Variants in SORCS2 observed in about 807,000 individuals in gnomAD.
SORCS2 encodes sortilin related VPS10 domain containing receptor 2.
Under a neutral mutation model 141.6 loss-of-function variants are expected in SORCS2, and 100 were observed. The observed-to-expected ratio is 0.71, with a 90% CI of 0.60 to 0.83. SORCS2 has a LOEUF of 0.83. SORCS2 is among the 40% of genes least tolerant of loss of function. The pLI is 0.00. For missense variants in SORCS2, 1,646 were observed against 1,560.2 expected (o/e 1.05, Z -0.93); for synonymous variants, 789 against 676.9 (o/e 1.17, Z -2.57).
At chr4:7,539,678 C>A (rs1255216792) in intron 3 of SORCS2, among the ~76,000 whole-genome samples, 2 of 152,114 alleles carry the variant, frequency 1.3e-5, no homozygotes, top group African/African-American at 4.8e-5. Flanking sequence ...TGCAAGGCCC[C>A]GACCCCCGTT....
intron 4 of SORCS2, among the ~76,000 whole-genome samples, chr4:7,646,074 C>T (rs13104846): frequency 0.21 from 32,257 of 152,296 alleles, 4,028 homozygotes; most frequent in Middle Eastern, 0.32. Flanking sequence ...CCGGCAGCCA[C>T]GGATTCCGGG....
rs1722550887 is a variant in SORCS2 at position 7,667,114 on chromosome 4, C to G, written c.1072-10C>G. 6.2e-7 allele frequency: 1 copy of G among 1,609,140 alleles called. No individual in the cohort carries two copies. Among genetic ancestry groups the G allele is most frequent in the South Asian group, 1.1e-5 (1 of 90,866 alleles). On this transcript the variant is annotated splice_polypyrimidine_tract_variant and intron_variant, in intron 7 of 26. Transcript: ENST00000507866. Reference sequence around the variant, plus strand: ...AAGCCTCTCAAAAATGTGTTTCTTCCCCCGGTTAGGCAACATCAGCAAACC... The same window carrying G: ...AAGCCTCTCAAAAATGTGTTTCTTCGCCCGGTTAGGCAACATCAGCAAACC...
At chr4:7,342,594 C>T (rs990668487) in intron 1 of SORCS2, among the ~76,000 whole-genome samples, 2 of 152,094 alleles carry the variant, frequency 1.3e-5, no homozygotes, top group Admixed American at 1.3e-4. Context: ...GGAGGCGAAC[C>T]TTGCAGGGAC....
intron 3 of SORCS2, among the ~76,000 whole-genome samples, chr4:7,620,173 A>C (rs1719069770): frequency 6.6e-6 from 1 of 152,064 alleles, no homozygotes; most frequent in Non-Finnish European, 1.5e-5. Context: ...GAGCAGAATG[A>C]TACGGGATTC....
chr4:7,592,039 G>A (rs1403308073), intron 3 of SORCS2, among the ~76,000 whole-genome samples: 4 of 152,074 alleles, frequency 2.6e-5, no homozygotes, highest in Admixed American at 1.3e-4. Flanking sequence ...CTAGGAAAGC[G>A]CCGAGGCTTT....
chr4:7,494,023 A>C (rs1731462305), intron 2 of SORCS2, among the ~76,000 whole-genome samples: 1 of 137,292 alleles, frequency 7.3e-6, no homozygotes, highest in South Asian at 2.2e-4. Context: ...ACACATTCAC[A>C]CACACACACA....
At chr4:7,450,980 G>C (rs996917871) in intron 2 of SORCS2, among the ~76,000 whole-genome samples, 8 of 151,834 alleles carry the variant, frequency 5.3e-5, no homozygotes, top group South Asian at 4.2e-4. Flanking sequence ...GAATGCATGA[G>C]TGACTGAGTG....
chr4:7,331,694 G>A (rs903967534), intron 1 of SORCS2, among the ~76,000 whole-genome samples: 9 of 152,200 alleles, frequency 5.9e-5, no homozygotes, highest in African/African-American at 1.9e-4. Context: ...TCAGTGGGTC[G>A]GGGTGAAGCA....
At chr4:7,461,217 G>A (rs751553757) in intron 2 of SORCS2, among the ~76,000 whole-genome samples, 9 of 152,092 alleles carry the variant, frequency 5.9e-5, no homozygotes, top group South Asian at 4.2e-4. Context: ...TACTGCCTTC[G>A]CTCTTTCCCT....
chr4:7,642,630 A>G, intron 4 of SORCS2, among the ~76,000 whole-genome samples: 1 of 152,236 alleles, frequency 6.6e-6, no homozygotes, highest in Admixed American at 6.5e-5. Flanking sequence ...AATCTGGTGT[A>G]TTAGGCAGGT....
chr4:7,729,754 A>G (rs753955747), intron 23 of SORCS2, 42 bp downstream of exon 23: 2 of 1,585,486 alleles, frequency 1.3e-6, no homozygotes, highest in East Asian at 2.3e-5. Flanking sequence ...CTCCCTGCAC[A>G]TCCCAGGGCT....
intron 1 of SORCS2, among the ~76,000 whole-genome samples, chr4:7,224,710 A>G (rs1728900056): frequency 6.6e-6 from 1 of 152,112 alleles, no homozygotes; most frequent in Non-Finnish European, 1.5e-5. Context: ...TTGGGTGGGG[A>G]CAGAGTCAAA....
At chr4:7,324,720 C>G (rs1329440427) in intron 1 of SORCS2, among the ~76,000 whole-genome samples, 1 of 152,214 alleles carries the variant, frequency 6.6e-6, no homozygotes, top group East Asian at 1.9e-4. Context: ...AAAACTCCAC[C>G]TTGAGTCCCA....
At chr4:7,273,774 A>C (rs1715294028) in intron 1 of SORCS2, among the ~76,000 whole-genome samples, 1 of 152,210 alleles carries the variant, frequency 6.6e-6, no homozygotes, top group Non-Finnish European at 1.5e-5. Flanking sequence ...GTCATTAGAA[A>C]GCTCTGTGGC....
At chr4:7,542,357 C>T (rs889640834) in intron 3 of SORCS2, among the ~76,000 whole-genome samples, 5 of 152,082 alleles carry the variant, frequency 3.3e-5, no homozygotes, top group Admixed American at 1.3e-4. Flanking sequence ...CAGCTGTAAT[C>T]GAGGTAAAAT....
intron 3 of SORCS2, among the ~76,000 whole-genome samples, chr4:7,590,404 G>C (rs1020990663): frequency 6.6e-6 from 1 of 152,222 alleles, no homozygotes; most frequent in African/African-American, 2.4e-5. Context: ...TGTGAAGACT[G>C]TGAAGGTGGC....
At chr4:7,407,767 A>G (rs555728996) in intron 2 of SORCS2, among the ~76,000 whole-genome samples, 13 of 151,576 alleles carry the variant, frequency 8.6e-5, no homozygotes, top group Admixed American at 3.9e-4. Context: ...CTTTCTTACT[A>G]TTTTTCTTTG....
At chr4:7,336,484 C>T (rs868662546) in intron 1 of SORCS2, among the ~76,000 whole-genome samples, 5 of 135,844 alleles carry the variant, frequency 3.7e-5, no homozygotes, top group South Asian at 2.6e-4. Flanking sequence ...ACCTCCTGTT[C>T]GCATCTTGGT....
chr4:7,649,465 C>A (rs904582857), intron 4 of SORCS2, among the ~76,000 whole-genome samples: 4 of 151,990 alleles, frequency 2.6e-5, no homozygotes, highest in Non-Finnish European at 5.9e-5. Flanking sequence ...AGCTGCAGGA[C>A]CGAGGGCTGA....
Sources: allele counts gnomAD v4.1 joint callset (sites outside exome capture counted in the v4.1 genomes callset), GRCh38; gene constraint gnomAD v4.1.1; transcripts MANE v1.5; gene names NCBI Gene and HGNC (gene_info 2026-07-23, HGNC 2026-07-21).